ABCA5: variants seen among roughly 807,000 people sequenced by gnomAD.
ABCA5 encodes the protein cholesterol transporter ABCA5.
A neutral mutation model predicts 206.0 loss-of-function variants in ABCA5; 163 were observed. That is an observed-to-expected ratio of 0.79 (90% confidence interval 0.70 to 0.90). The LOEUF (loss-of-function observed/expected upper bound fraction) is 0.90, where lower values mean the gene tolerates loss of function less well. ABCA5 is among the 40% of genes least tolerant of loss of function. ABCA5 has a pLI of 0.00. For synonymous variants in ABCA5, 609 were observed against 613.8 expected, an observed-to-expected ratio of 0.99 and a Z score of 0.11; for missense variants, 1,859 against 1,912.9, an observed-to-expected ratio of 0.97 and a Z score of 0.53.
chr17:69,308,351 A>C lies in ABCA5; in HGVS notation c.487T>G (p.Cys163Gly). 2 of 1,611,664 alleles carry C rather than the reference A, an allele frequency of 1.2e-6. No homozygotes were observed. Among genetic ancestry groups the C allele is most frequent in the East Asian group, 2.2e-5 (1 of 44,744 alleles). ...GAGGACCAGTACTGAGCAGCCTCAC[A>C]TGATTTTGAACAGCCAGCTATGGGG... ...MDSRAGCSKS[C>G]EAAQYWSSGF... The change falls in exon 5 of 39, where the codon TGT (cysteine) becomes GGT (glycine). Residue 163 changes from cysteine (C) to glycine (G), a missense_variant. By Grantham distance (159) the Cys-to-Gly change is radical (BLOSUM62 -3). Transcript: ENST00000392676.
At chr17:69,286,806 T>G (rs1265914725) in intron 15 of ABCA5, among the ~76,000 whole-genome samples, 1 of 152,216 alleles carries the variant, frequency 6.6e-6, no homozygotes, top group African/African-American at 2.4e-5. Flanking sequence ...AGACAGAAGT[T>G]GCTCAAGAAT....
At chr17:69,290,100 A>T in intron 12 of ABCA5, 63 bp from the exon 13 acceptor site, 1 of 1,170,438 alleles carries the variant, frequency 8.5e-7, no homozygotes, top group South Asian at 1.8e-5. Context: ...GTTTTCAAGT[A>T]TCCTGATAAC....
At chr17:69,276,898 T>C (rs2075338390) in intron 19 of ABCA5, among the ~76,000 whole-genome samples, 1 of 152,244 alleles carries the variant, frequency 6.6e-6, no homozygotes, top group Admixed American at 6.5e-5. Context: ...TTGACATTTG[T>C]TTGACACTGA....
chr17:69,289,074 T>C (rs1256401655), intron 14 of ABCA5, 103 bp downstream of exon 14: 3 of 1,141,480 alleles, frequency 2.6e-6, no homozygotes, highest in Non-Finnish European at 2.4e-6. Flanking sequence ...CAGCATTTTA[T>C]GTACACTTAA....
chr17:69,307,201 A>G (rs1006486949), intron 5 of ABCA5, among the ~76,000 whole-genome samples: 1 of 149,466 alleles, frequency 6.7e-6, no homozygotes, highest in African/African-American at 2.5e-5. Context: ...ATAAATTTTG[A>G]TTAAATAATT....
chr17:69,256,524 C>G lies in ABCA5; in HGVS notation c.3732-241G>C, dbSNP rs2075083853. ...AGGCTGGAGTGCAGTGGTACGATCT[C>G]AGGTCACTATAACCTCTGCCTCCTG... On this transcript the variant is annotated intron_variant, in intron 28 of 38. Coordinates refer to ENST00000392676, the MANE Select transcript of ABCA5 (RefSeq NM_172232.4). Among the ~76,000 whole-genome samples, 3 of 149,830 alleles carry G rather than the reference C, an allele frequency of 2.0e-5. No individual in the cohort carries two copies. The South Asian group carries it at 6.3e-4, about 32-fold the overall frequency.
At chr17:69,301,384 TA>T in intron 8 of ABCA5, 98 bp from the exon 9 acceptor site, 1 of 919,774 alleles carries the variant, frequency 1.1e-6, no homozygotes, top group Non-Finnish European at 1.6e-6. Flanking sequence ...AGAGTGATAG[TA>T]ACCAACTGGG....
chr17:69,325,688 TAAA>T (rs2075892899), intron 1 of ABCA5: 1 of 151,850 alleles, frequency 6.6e-6, no homozygotes, highest in Non-Finnish European at 1.5e-5. Flanking sequence ...GAAAAACAAA[TAAA>T]AAATTACCTG....
At chr17:69,313,680 T>C (rs991767093) in intron 2 of ABCA5, among the ~76,000 whole-genome samples, 2 of 152,170 alleles carry the variant, frequency 1.3e-5, no homozygotes, top group Non-Finnish European at 1.5e-5. Flanking sequence ...AATGCCTTTA[T>C]TCAATTCTGA....
Position 69,285,975 on chromosome 17 carries a change from G to C in ABCA5, c.2195C>G (p.Pro732Arg). Residue 732 changes from proline to arginine, a missense_variant, in exon 17 of 39, where the codon CCT becomes CGT. By Grantham distance (103) the Pro-to-Arg change is moderately radical. Transcript: ENST00000392676. Reference protein sequence around the residue: ...SLSSLVKQHIPGATLLQQNDQ... With the variant: ...SLSSLVKQHIRGATLLQQNDQ... ...ATTCTGTTGTAATAAAGTAGCTCCA[G>C]GTATATGTTGTTTAACCAGTGAAGA... is the stretch of plus-strand genomic sequence containing the variant. 1.2e-6 allele frequency: 2 copies of C among 1,613,118 alleles called. No homozygotes were observed. The highest frequency in any genetic ancestry group is 1.7e-4 in the Middle Eastern group (1 of 6,052).
intron 19 of ABCA5, among the ~76,000 whole-genome samples, chr17:69,276,658 G>A (rs2075335418): frequency 6.6e-6 from 1 of 152,152 alleles, no homozygotes. Context: ...CTGTTGGAGG[G>A]TTGGGACTGG....
At position 69,327,082 on chromosome 17, in the gene ABCA5, C is replaced by G. The variant is rs1176825136; in HGVS notation, c.-46G>C. The G allele has an allele frequency of 6.5e-6, 1 of 153,666 alleles. No homozygotes were observed. Among genetic ancestry groups the G allele is most frequent in the Non-Finnish European group, 1.4e-5 (1 of 69,054 alleles). The allele number at this position is 153,666 out of a possible 1,614,324, so 9.5% of individuals were successfully genotyped here. ...GGCCCGAGCCGCAGAGCTGTCAGGC[C>G]TGGACGCGCTCAGTCTGTTGACTCA... On this transcript the variant is annotated 5_prime_UTR_variant, in exon 1 of 39. Coordinates refer to ENST00000392676, the MANE Select transcript of ABCA5 (RefSeq NM_172232.4).
At chr17:69,288,020 A>C (rs541604031) in intron 14 of ABCA5, among the ~76,000 whole-genome samples, 1 of 152,266 alleles carries the variant, frequency 6.6e-6, no homozygotes, top group African/African-American at 2.4e-5. Flanking sequence ...CAAACTAAAA[A>C]CAAAACATTA....
Position 69,270,918 on chromosome 17 carries a change from G to T in ABCA5, c.2893-168C>A, listed in dbSNP as rs569125390. 5.0e-3 allele frequency among the ~76,000 whole-genome samples: 758 copies of T among 152,216 alleles called. 2 individuals are homozygous for T. Among genetic ancestry groups the T allele is most frequent in the Non-Finnish European group, 8.2e-3 (559 of 67,988 alleles). On this transcript the variant is annotated intron_variant, in intron 21 of 38. Transcript: ENST00000392676. ...AGATAAAGACAATCTGGTTTGGAAT[G>T]TACAGATATTTTAATATTTTAAACA...
At chr17:69,265,225 T>C (rs1009657959) in intron 23 of ABCA5, among the ~76,000 whole-genome samples, 12 of 152,026 alleles carry the variant, frequency 7.9e-5, no homozygotes, top group East Asian at 3.9e-4. Flanking sequence ...AAATAATAAA[T>C]AGCCAAAACA....
rs1293438370 is a variant in ABCA5 at position 69,248,274 on chromosome 17, T to C, written c.4809A>G (p.Ala1603=). The change falls in exon 38 of 39, where the codon GCA becomes GCG. Residue 1603 remains alanine, a synonymous_variant. Transcript: ENST00000392676. The stretch of plus-strand genomic sequence containing the variant: ...AACTTTATAGTACCTGTTCCAATGT[T>C]GCTTGAGAAAAGCTATATTCTTCAA... The part of the protein sequence containing the change: ...FAIEEYSFSQ[A]TLEQVFVELT... The C allele has an allele frequency of 2.6e-6, 4 of 1,557,882 alleles. No individual in the cohort carries two copies. Among genetic ancestry groups the C allele is most frequent in the Admixed American group, 1.7e-5 (1 of 58,466 alleles).
chr17:69,265,880 A>T (rs1204068933), intron 23 of ABCA5, among the ~76,000 whole-genome samples: 1 of 152,190 alleles, frequency 6.6e-6, no homozygotes, highest in Non-Finnish European at 1.5e-5. Flanking sequence ...ATAATTTGGC[A>T]ATTTCTTATA....
At chr17:69,275,683 G>A (rs2075323680) in intron 19 of ABCA5, among the ~76,000 whole-genome samples, 1 of 152,134 alleles carries the variant, frequency 6.6e-6, no homozygotes, top group Non-Finnish European at 1.5e-5. Flanking sequence ...TTTTCTAAAT[G>A]TATTTGACCA....
At chr17:69,302,075 TCTATC>T (rs2075658195) in intron 8 of ABCA5, among the ~76,000 whole-genome samples, 2 of 152,166 alleles carry the variant, frequency 1.3e-5, no homozygotes, top group Non-Finnish European at 2.9e-5. Flanking sequence ...AATCAGAACT[TCTATC>T]CAACCAACAT....
Sources: allele counts gnomAD v4.1 joint callset (sites outside exome capture counted in the v4.1 genomes callset), GRCh38; gene constraint gnomAD v4.1.1; transcripts MANE v1.5; gene names NCBI Gene and HGNC (gene_info 2026-07-23, HGNC 2026-07-21).